The following PDGFD variants were observed in gnomAD, a reference collection of about 807,000 sequenced individuals.
The protein encoded by PDGFD is platelet-derived growth factor D.
Under a neutral mutation model 44.7 loss-of-function variants are expected in PDGFD, and 30 were observed. That is an observed-to-expected ratio of 0.67 (90% CI 0.50 to 0.91). PDGFD has a LOEUF of 0.91. PDGFD is among the 40% of genes least tolerant of loss of function. The pLI is 0.00. For synonymous variants in PDGFD, 173 were observed against 168.4 expected, an observed-to-expected ratio of 1.03 and a Z score of -0.21; for missense variants, 445 against 457.8, an observed-to-expected ratio of 0.97 and a Z score of 0.25.
At chr11:103,912,395 G>A (rs565340343) in intron 6 of PDGFD, among the ~76,000 whole-genome samples, 17 of 152,234 alleles carry the variant, frequency 1.1e-4, no homozygotes, top group African/African-American at 3.9e-4. Context: ...CCTAAGTGAA[G>A]GAGAAATAAA....
chr11:103,968,316 C>T (rs976085150), intron 3 of PDGFD, among the ~76,000 whole-genome samples: 3 of 152,142 alleles, frequency 2.0e-5, no homozygotes, highest in African/African-American at 7.2e-5. Flanking sequence ...CTCCATATCC[C>T]AGGTCAAGAA....
chr11:103,974,214 T>C (rs945360502), intron 3 of PDGFD, among the ~76,000 whole-genome samples: 6 of 152,266 alleles, frequency 3.9e-5, no homozygotes, highest in East Asian at 1.9e-4. Flanking sequence ...CTTCTTCCAA[T>C]GGGAAGAGAA....
intron 3 of PDGFD, among the ~76,000 whole-genome samples, chr11:103,994,780 T>C (rs1303613154): frequency 1.3e-5 from 2 of 152,154 alleles, no homozygotes; most frequent in Non-Finnish European, 2.9e-5. Context: ...GGGATATTTA[T>C]GTTAATGTAT....
chr11:104,041,110 C>G (rs1172065113), intron 1 of PDGFD, among the ~76,000 whole-genome samples: 1 of 151,888 alleles, frequency 6.6e-6, no homozygotes. Context: ...GAAATGACAA[C>G]AGAGTAGGCA....
rs1858863509 is a variant in PDGFD at position 103,957,105 on chromosome 11, T to C, written c.511-9381A>G. ...ATTTTGGCTTTTGTTGCCATTGCTT[T>C]TGGTGTTTTAGACATGAAGTCCTTG... On this transcript the variant is annotated intron_variant, in intron 3 of 6. Coordinates refer to ENST00000393158, the MANE Select transcript of PDGFD (RefSeq NM_025208.5). Among the ~76,000 whole-genome samples, 3 of 152,308 alleles carry C rather than the reference T, an allele frequency of 2.0e-5. No individual in the cohort carries two copies. In the East Asian group the frequency reaches 5.8e-4, roughly 29 times the overall value.
intron 3 of PDGFD, among the ~76,000 whole-genome samples, chr11:103,961,190 T>C (rs139153127): frequency 6.6e-4 from 100 of 152,310 alleles, no homozygotes; most frequent in Admixed American, 2.9e-3. Flanking sequence ...ATAAATAGTG[T>C]TGCAATGGAA....
intron 1 of PDGFD, among the ~76,000 whole-genome samples, chr11:104,143,985 T>G (rs1247324826): frequency 6.9e-6 from 1 of 144,372 alleles, no homozygotes; most frequent in Non-Finnish European, 1.5e-5. Flanking sequence ...CAGGAATGGA[T>G]GTCATCTCAT....
intron 1 of PDGFD, among the ~76,000 whole-genome samples, chr11:104,032,595 T>C (rs1232583157): frequency 2.0e-5 from 3 of 152,022 alleles, no homozygotes; most frequent in Non-Finnish European, 2.9e-5. Context: ...CAAGAGATAG[T>C]AGTTTAAACA....
chr11:104,056,266 T>G (rs1860615161), intron 1 of PDGFD, among the ~76,000 whole-genome samples: 1 of 152,216 alleles, frequency 6.6e-6, no homozygotes, highest in Admixed American at 6.5e-5. Flanking sequence ...AGCAATGTCT[T>G]TATTTTCACA....
At chr11:104,077,348 A>C (rs946990270) in intron 1 of PDGFD, among the ~76,000 whole-genome samples, 14 of 152,196 alleles carry the variant, frequency 9.2e-5, no homozygotes, top group Admixed American at 2.0e-4. Context: ...CAGCAGTGTA[A>C]GTAGAAATAG....
At chr11:103,945,133 G>A (rs550378643) in intron 4 of PDGFD, among the ~76,000 whole-genome samples, 2 of 152,144 alleles carry the variant, frequency 1.3e-5, no homozygotes, top group African/African-American at 2.4e-5. Context: ...CATACATTAC[G>A]GAAGAATCCA....
chr11:104,155,640 C>T (rs568593072), intron 1 of PDGFD, among the ~76,000 whole-genome samples: 3 of 152,278 alleles, frequency 2.0e-5, no homozygotes, highest in African/African-American at 4.8e-5. Context: ...GTCTACCATA[C>T]GATCCTTATG....
chr11:104,004,114 A>G (rs949213084), intron 1 of PDGFD, among the ~76,000 whole-genome samples: 3 of 152,172 alleles, frequency 2.0e-5, no homozygotes, highest in Admixed American at 1.3e-4. Context: ...CTAAAACATC[A>G]TTAAAGTCTA....
chr11:104,097,174 A>G (rs1861300588), intron 1 of PDGFD, among the ~76,000 whole-genome samples: 1 of 152,198 alleles, frequency 6.6e-6, no homozygotes, highest in Non-Finnish European at 1.5e-5. Context: ...CAGTGCTAAC[A>G]TGATAAACTC....
intron 1 of PDGFD, among the ~76,000 whole-genome samples, chr11:104,091,969 C>A (rs765858847): frequency 1.3e-5 from 2 of 152,128 alleles, no homozygotes; most frequent in Non-Finnish European, 2.9e-5. Context: ...AAACCTCATA[C>A]GTGTGCCTTT....
At chr11:104,159,101 C>T (rs886336676) in intron 1 of PDGFD, among the ~76,000 whole-genome samples, 5 of 139,412 alleles carry the variant, frequency 3.6e-5, no homozygotes, top group Admixed American at 8.0e-5. Context: ...TGCAGTGAGC[C>T]GAGATCATGC....
intron 3 of PDGFD, among the ~76,000 whole-genome samples, chr11:103,993,682 C>T (rs17093699): frequency 6.6e-6 from 1 of 152,230 alleles, no homozygotes; most frequent in Admixed American, 6.5e-5. Context: ...TGATCTATCC[C>T]TGCTGAGCCA....
At chr11:104,029,288 A>G (rs7930466) in intron 1 of PDGFD, among the ~76,000 whole-genome samples, 14,168 of 152,272 alleles carry the variant, frequency 0.093, 733 homozygotes, top group African/African-American at 0.14. Context: ...TCTGAGAAAA[A>G]TAGGTGAGTT....
intron 1 of PDGFD, among the ~76,000 whole-genome samples, chr11:104,059,518 C>T (rs1381498285): frequency 7.2e-5 from 11 of 152,128 alleles, no homozygotes; most frequent in Non-Finnish European, 1.3e-4. Flanking sequence ...TAGATTGTTA[C>T]AGTATTGTTA....
Sources: allele counts gnomAD v4.1 joint callset (sites outside exome capture counted in the v4.1 genomes callset), GRCh38; gene constraint gnomAD v4.1.1; transcripts MANE v1.5; gene names NCBI Gene and HGNC (gene_info 2026-07-23, HGNC 2026-07-21).